Variants in TBC1D14 observed in about 807,000 individuals in gnomAD.
The protein encoded by TBC1D14 is TBC1 domain family, member 14.
Under a neutral mutation model 79.0 loss-of-function variants are expected in TBC1D14, and 26 were observed. The ratio of observed to expected loss-of-function variants is 0.33; its 90% CI spans 0.24 to 0.46. The LOEUF (loss-of-function observed/expected upper bound fraction) is 0.46. Ranked by LOEUF, TBC1D14 falls within the 20% of genes least tolerant of loss-of-function variation. The pLI is 1.00. For missense variants in TBC1D14, 769 were observed against 887.6 expected (o/e 0.87, Z 1.70); for synonymous variants, 394 against 349.9 (o/e 1.13, Z -1.40).
At chr4:7,027,815 TTAAA>T (rs1332500940) in intron 13 of TBC1D14, among the ~76,000 whole-genome samples, 7 of 112,066 alleles carry the variant, frequency 6.2e-5, no homozygotes, top group Admixed American at 5.5e-4. Context: ...TCACACACCC[TTAAA>T]TACACAGTCA....
chr4:6,936,209 C>T (rs1228944148), intron 2 of TBC1D14, among the ~76,000 whole-genome samples: 1 of 152,222 alleles, frequency 6.6e-6, no homozygotes, highest in Non-Finnish European at 1.5e-5. Flanking sequence ...GGGTGCTGTG[C>T]ACTCTGTGGG....
chr4:7,019,858 G>A (rs544583177), intron 12 of TBC1D14, among the ~76,000 whole-genome samples: 2 of 51,966 alleles, frequency 3.8e-5, no homozygotes, highest in Admixed American at 1.9e-4. Flanking sequence ...TGTGAACCCC[G>A]CTGGGCTCAG....
chr4:6,913,777 T>C (rs1723182838), intron 1 of TBC1D14, among the ~76,000 whole-genome samples: 2 of 152,234 alleles, frequency 1.3e-5, no homozygotes, highest in South Asian at 4.1e-4. Flanking sequence ...ATTAGTTAAT[T>C]AGTAATTTAC....
At chr4:7,011,194 G>C (rs151201712) in intron 11 of TBC1D14, among the ~76,000 whole-genome samples, 1 of 152,198 alleles carries the variant, frequency 6.6e-6, no homozygotes, top group Middle Eastern at 3.2e-3. Context: ...ACCCTGCTTT[G>C]TGAAGTGTGC....
At chr4:6,987,356 C>A in intron 3 of TBC1D14, 1 of 1,423,638 alleles carries the variant, frequency 7.0e-7, no homozygotes, top group Non-Finnish European at 9.2e-7. Context: ...CATGGTGAGT[C>A]GGGGTGCGGG....
intron 3 of TBC1D14, among the ~76,000 whole-genome samples, chr4:6,976,879 A>G (rs1254461451): frequency 6.6e-6 from 1 of 152,092 alleles, no homozygotes; most frequent in African/African-American, 2.4e-5. Flanking sequence ...TTATAATGCA[A>G]AGTTGGTGAC....
rs763101759 is a variant in TBC1D14 at position 7,010,746 on chromosome 4, T to C, written c.1612T>C (p.Cys538Arg). 6.2e-7 allele frequency: 1 copy of C among 1,613,986 alleles called. No individual in the cohort carries two copies. The highest frequency in any genetic ancestry group is 8.5e-7 in the Non-Finnish European group (1 of 1,180,002). ...IAFSNLLNKP[C>R]QMAFFRVDHG... ...CTTTTCTAACCTTCTGAATAAACCC[T>C]GTCAAATGGCGTTTTTTAGAGTGGA... Residue 538 changes from cysteine (C) to arginine (R), a missense_variant, in exon 11 of 14, where the codon TGT becomes CGT. Transcript: ENST00000409757.
Position 6,912,645 on chromosome 4 carries a change from C to T in TBC1D14, c.-18+2694C>T, listed in dbSNP as rs193192635. On this transcript the variant is annotated intron_variant, in intron 1 of 13. Coordinates refer to ENST00000409757, the MANE Select transcript of TBC1D14 (RefSeq NM_020773.3). ...CTGGCTGTGTCTGGCCTTGCTTATG[C>T]AACTGGTTGCTAAAATAGTGGGACT... Among the ~76,000 whole-genome samples the T allele has an allele frequency of 2.3e-3, 346 of 152,284 alleles. 1 individual carries two copies. Among genetic ancestry groups the T allele is most frequent in the South Asian group, 8.9e-3 (43 of 4,824 alleles).
At chr4:6,996,072 G>A (rs1189820324) in intron 4 of TBC1D14, among the ~76,000 whole-genome samples, 1 of 151,894 alleles carries the variant, frequency 6.6e-6, no homozygotes, top group African/African-American at 2.4e-5. Flanking sequence ...TCCTGACCTC[G>A]TGATCCGCCT....
chr4:7,032,886 G>A lies in TBC1D14; in HGVS notation c.*2494G>A. ...GAGGCTGCCTCTCCCGCCAGGCATT[G>A]GGATCCCATTTAGAAACGGCATTCA... is the stretch of plus-strand genomic sequence containing the variant. On this transcript the variant is annotated 3_prime_UTR_variant, in exon 14 of 14. Transcript: ENST00000409757. The A allele has an allele frequency of 6.6e-6, 1 of 152,352 alleles. No individual in the cohort carries two copies. The highest frequency in any genetic ancestry group is 1.9e-4 in the East Asian group (1 of 5,196). The allele number at this position is 152,352 out of a possible 1,614,324, so 9.4% of individuals were successfully genotyped here.
At chr4:7,003,542 G>A (rs996871889) in intron 7 of TBC1D14, among the ~76,000 whole-genome samples, 1 of 152,250 alleles carries the variant, frequency 6.6e-6, no homozygotes, top group Non-Finnish European at 1.5e-5. Context: ...TAATAAAATA[G>A]TGTGCACTGC....
At chr4:7,010,590 T>G in intron 10 of TBC1D14, 63 bp from the exon 11 acceptor site, 1 of 1,556,306 alleles carries the variant, frequency 6.4e-7, no homozygotes, top group Non-Finnish European at 8.7e-7. Context: ...TTGCTAAAAA[T>G]GAACACACTA....
chr4:6,946,078 G>A (rs1306120543), intron 2 of TBC1D14, among the ~76,000 whole-genome samples: 3 of 152,072 alleles, frequency 2.0e-5, no homozygotes, highest in South Asian at 4.1e-4. Flanking sequence ...TTTATCGCAC[G>A]ATCTGAGGCA....
chr4:6,967,257 CT>C, intron 2 of TBC1D14, 46 bp from the exon 3 acceptor site: 1 of 1,601,262 alleles, frequency 6.2e-7, no homozygotes, highest in Non-Finnish European at 8.5e-7. Context: ...TCTGGTGTTT[CT>C]TGAATTACCC....
At chr4:6,933,084 T>C (rs1711915069) in intron 2 of TBC1D14, among the ~76,000 whole-genome samples, 1 of 152,076 alleles carries the variant, frequency 6.6e-6, no homozygotes, top group African/African-American at 2.4e-5. Context: ...CTAGAAGTCA[T>C]CCAAATTCTT....
At position 7,025,347 on chromosome 4, in the gene TBC1D14, T is replaced by C. The variant is rs986955215; in HGVS notation, c.2016+85T>C. 30 of 1,565,364 alleles carry C rather than the reference T, an allele frequency of 1.9e-5. No homozygotes were observed. In the African/African-American group the frequency reaches 2.4e-4, roughly 13 times the overall value. ...GAAGGCCCCTACGTAAAGTGCTGTC[T>C]GAGGACGTAGCCCCTTTGATGGAGT... On this transcript the variant is annotated intron_variant, in intron 13 of 13. Coordinates refer to ENST00000409757, the MANE Select transcript of TBC1D14 (RefSeq NM_020773.3).
At chr4:6,930,106 T>C (rs1711592898) in intron 2 of TBC1D14, among the ~76,000 whole-genome samples, 1 of 152,144 alleles carries the variant, frequency 6.6e-6, no homozygotes, top group African/African-American at 2.4e-5. Flanking sequence ...TGCAGGGCGG[T>C]GTTGGAACTG....
At chr4:7,013,890 C>A (rs966893951) in intron 11 of TBC1D14, among the ~76,000 whole-genome samples, 2 of 152,140 alleles carry the variant, frequency 1.3e-5, no homozygotes, top group Non-Finnish European at 2.9e-5. Flanking sequence ...ACTACAGGCG[C>A]CCGCCACCAC....
intron 6 of TBC1D14, among the ~76,000 whole-genome samples, chr4:6,999,842 TC>T (rs1719478627): frequency 6.6e-6 from 1 of 152,158 alleles, no homozygotes; most frequent in Non-Finnish European, 1.5e-5. Flanking sequence ...GACCCCAGTG[TC>T]CAGTAGAGTG....
Sources: gnomAD v4.1 joint callset for allele counts (sites outside exome capture counted in the v4.1 genomes callset) on GRCh38, gnomAD v4.1.1 for gene constraint, MANE v1.5 for transcripts, NCBI Gene and HGNC (gene_info 2026-07-23, HGNC 2026-07-21) for gene names.